Variants in CCT8 observed in about 807,000 individuals in gnomAD.
CCT8 encodes the protein chaperonin containing TCP1 subunit 8.
A neutral mutation model predicts 65.7 loss-of-function variants in CCT8; 10 were observed. The ratio of observed to expected loss-of-function variants is 0.15; its 90% CI spans 0.09 to 0.26. The LOEUF is 0.26. Ranked by LOEUF, CCT8 falls within the 10% of genes least tolerant of loss-of-function variation. CCT8 has a pLI of 1.00. For missense variants in CCT8, 568 were observed against 669.1 expected, an observed-to-expected ratio of 0.85 and a Z score of 1.67; for synonymous variants, 199 against 221.8, an observed-to-expected ratio of 0.90 and a Z score of 0.92.
At chr21:29,064,208 G>A (rs1203462304) in intron 7 of CCT8, among the ~76,000 whole-genome samples, 1 of 151,532 alleles carries the variant, frequency 6.6e-6, no homozygotes, top group African/African-American at 2.4e-5. Flanking sequence ...GCTCATGCCT[G>A]TAATCCTAGC....
Position 29,069,462 on chromosome 21 carries a change from A to G in CCT8, c.192T>C (p.Phe64=), listed in dbSNP as rs2085658993. The G allele has an allele frequency of 6.3e-7, 1 of 1,586,432 alleles. No individual in the cohort carries two copies. The highest frequency in any genetic ancestry group is 2.3e-5 in the East Asian group (1 of 43,330). The change falls in exon 3 of 15, where the codon TTT becomes TTC. Residue 64 remains phenylalanine, a synonymous_variant. Transcript: ENST00000286788. The stretch of plus-strand genomic sequence containing the variant: ...AAATAGTTGCTGCATCGTTTGTCAC[A>G]AACAACTTCTCCAAGTGGTTGATAA... The part of the protein sequence containing the change: ...KMVINHLEKL[F]VTNDAATILR...
At chr21:29,063,209 C>A (rs2085583072) in intron 8 of CCT8, 143 bp downstream of exon 8, 3 of 636,430 alleles carry the variant, frequency 4.7e-6, no homozygotes, top group South Asian at 2.1e-5. Flanking sequence ...CTGACCCCTC[C>A]CCAAACTAAA....
At chr21:29,060,996 A>C (rs1420638168) in intron 13 of CCT8, among the ~76,000 whole-genome samples, 1 of 152,194 alleles carries the variant, frequency 6.6e-6, no homozygotes, top group East Asian at 1.9e-4. Context: ...AGTTTTTCCA[A>C]ATATTTTCAA....
chr21:29,073,485 G>A (rs1175366892), intron 1 of CCT8, 46 bp downstream of exon 1: 1 of 1,613,622 alleles, frequency 6.2e-7, no homozygotes, highest in Admixed American at 1.7e-5. Flanking sequence ...GGCCGCCGCA[G>A]CCCTATGCTG....
chr21:29,057,038 T>A (rs977614201), intron 14 of CCT8, among the ~76,000 whole-genome samples: 4 of 151,766 alleles, frequency 2.6e-5, no homozygotes, highest in Non-Finnish European at 5.9e-5. Flanking sequence ...ACTGAAATTT[T>A]CTAAAACCTG....
At position 29,065,100 on chromosome 21, in the gene CCT8, A is replaced by T; in HGVS notation, c.630T>A (p.Ser210=). Residue 210 remains serine (S), a synonymous_variant, in exon 7 of 15, where the codon TCT becomes TCA. Coordinates refer to ENST00000286788, the MANE Select transcript of CCT8 (RefSeq NM_006585.4). ...DNIRVCKILG[S]GISSSSVLHG... is the part of the protein sequence containing the mutation. ...GCAATACTGAAGAGGAACTGATACCAGAGCCCTAAGGAATTGAATACCAAA... is the reference window on the plus strand; with the variant it reads ...GCAATACTGAAGAGGAACTGATACCTGAGCCCTAAGGAATTGAATACCAAA... The T allele has an allele frequency of 1.9e-6, 3 of 1,613,920 alleles. No homozygotes were observed. Among genetic ancestry groups the T allele is most frequent in the Middle Eastern group, 1.7e-4 (1 of 6,060 alleles).
At chr21:29,056,891 T>C (rs2085504600) in intron 14 of CCT8, among the ~76,000 whole-genome samples, 1 of 152,202 alleles carries the variant, frequency 6.6e-6, no homozygotes, top group South Asian at 2.1e-4. Flanking sequence ...GCACCTGATT[T>C]GCTATTTATA....
At chr21:29,073,493 C>T in intron 1 of CCT8, 38 bp downstream of exon 1, 1 of 1,613,860 alleles carries the variant, frequency 6.2e-7, no homozygotes, top group Non-Finnish European at 8.5e-7. Flanking sequence ...CAGCCCTATG[C>T]TGACGCTCCC....
rs2085631941 is a variant in CCT8 at position 29,067,066 on chromosome 21, T to C, written c.387A>G (p.Ile129Met). ...LRIGLSVSEV[I>M]EGYEIACRKA... ...TTCTGCAGGCTATTTCATAACCTTC[T>C]ATGACCTAAAACATAAACAACATTT... Residue 129 changes from isoleucine (I) to methionine (M), a missense_variant, in exon 5 of 15, where the codon ATA (isoleucine) becomes ATG (methionine). Physicochemically the swap from Ile to Met is conservative, Grantham distance 10. Coordinates refer to ENST00000286788, the MANE Select transcript of CCT8 (RefSeq NM_006585.4). 6.2e-7 allele frequency: 1 copy of C among 1,604,838 alleles called. No individual in the cohort carries two copies. Among genetic ancestry groups the C allele is most frequent in the Non-Finnish European group, 8.5e-7 (1 of 1,174,912 alleles).
intron 6 of CCT8, among the ~76,000 whole-genome samples, chr21:29,065,872 G>A (rs2085615755): frequency 1.3e-5 from 2 of 152,094 alleles, no homozygotes; most frequent in African/African-American, 4.8e-5. Flanking sequence ...CATGAGGTCA[G>A]GAGTTCGAGA....
In CCT8 at chr21:29,065,034, T is replaced by C. The variant is rs142657269; in HGVS notation, c.696A>G (p.Thr232=). ...VFKKETEGDV[T]SVKDAKIAVY... is the part of the protein sequence containing the mutation. ...CTGCTATTTTTGCATCTTTGACAGA[T>C]GTTACATCACCTTCGGTTTCCTTCT... The change falls in exon 7 of 15, where the codon ACA becomes ACG. Residue 232 remains threonine, a synonymous_variant. Coordinates refer to ENST00000286788, the MANE Select transcript of CCT8 (RefSeq NM_006585.4). 1,484 of 1,613,826 alleles carry C rather than the reference T, an allele frequency of 9.2e-4. 3 individuals carry two copies. Among genetic ancestry groups the C allele is most frequent in the Admixed American group, 3.5e-3 (209 of 60,022 alleles).
At chr21:29,067,972 T>C (rs74873302) in intron 3 of CCT8, among the ~76,000 whole-genome samples, 13 of 152,342 alleles carry the variant, frequency 8.5e-5, no homozygotes, top group South Asian at 4.1e-4. Context: ...GCCACACATA[T>C]GTTTCACCAT....
chr21:29,071,679 C>G (rs1057062827), intron 1 of CCT8, among the ~76,000 whole-genome samples: 1 of 149,946 alleles, frequency 6.7e-6, no homozygotes, highest in Non-Finnish European at 1.5e-5. Context: ...AGCCACCAAC[C>G]CCTGCCAATA....
At chr21:29,070,501 C>G (rs981775234) in intron 1 of CCT8, among the ~76,000 whole-genome samples, 164 bp from the exon 2 acceptor site, 1 of 152,142 alleles carries the variant, frequency 6.6e-6, no homozygotes, top group Non-Finnish European at 1.5e-5. Flanking sequence ...CTTTCTGGCT[C>G]TTTTTAAATT....
At chr21:29,063,255 C>A in intron 8 of CCT8, 97 bp downstream of exon 8, 1 of 940,544 alleles carries the variant, frequency 1.1e-6, no homozygotes. Flanking sequence ...TTTACTTTCC[C>A]TTTATTAACA....
chr21:29,063,436 G>A lies in CCT8; in HGVS notation c.857C>T (p.Thr286Ile), dbSNP rs750537848. The change falls in exon 8 of 15, where the codon ACT (threonine) becomes ATT (isoleucine). Residue 286 changes from threonine to isoleucine, a missense_variant. Thr to Ile is a moderately conservative substitution (Grantham distance 89). Coordinates refer to ENST00000286788, the MANE Select transcript of CCT8 (RefSeq NM_006585.4). Reference protein sequence around the residue: ...MDAQVKAIADTGANVVVTGGK... With the variant: ...MDAQVKAIADIGANVVVTGGK... ...ACCTGTTACTACGACATTTGCACCA[G>A]TATCAGCAATAGCTTTGACTTGTGC... 1.2e-6 allele frequency: 2 copies of A among 1,613,910 alleles called. No individual in the cohort carries two copies. Among genetic ancestry groups the A allele is most frequent in the African/African-American group, 2.7e-5 (2 of 75,020 alleles).
chr21:29,060,554 A>T lies in CCT8; in HGVS notation c.1556T>A (p.Leu519His). The part of the protein sequence containing the change: ...KLATNAAVTV[L>H]RVDQIIMAKP... The stretch of plus-strand genomic sequence containing the variant: ...CACTTTGCTCACCTGATCCACTCTA[A>T]GTACAGTGACTGCAGCATTAGTAGC... Residue 519 changes from leucine to histidine, a missense_variant, in exon 14 of 15, where the codon CTT becomes CAT. Leu to His is a moderately conservative substitution (Grantham distance 99). Transcript: ENST00000286788. The T allele has an allele frequency of 6.2e-7, 1 of 1,613,880 alleles. No individual in the cohort carries two copies. Among genetic ancestry groups the T allele is most frequent in the Non-Finnish European group, 8.5e-7 (1 of 1,179,810 alleles).
chr21:29,057,628 A>AAT (rs1026949985), intron 14 of CCT8, among the ~76,000 whole-genome samples: 2 of 141,330 alleles, frequency 1.4e-5, no homozygotes, highest in South Asian at 2.3e-4. Flanking sequence ...ATATATATAA[A>AAT]ATATATATAT....
At chr21:29,061,688 C>A in intron 11 of CCT8, 121 bp from the exon 12 acceptor site, 1 of 966,844 alleles carries the variant, frequency 1.0e-6, no homozygotes, top group South Asian at 1.5e-5. Context: ...TTTTATCAGT[C>A]ATTGTTACTC....
Sources: allele counts gnomAD v4.1 joint callset (sites outside exome capture counted in the v4.1 genomes callset), GRCh38; gene constraint gnomAD v4.1.1; transcripts MANE v1.5; gene names NCBI Gene and HGNC (gene_info 2026-07-23, HGNC 2026-07-21).